Variants in MCPH1 observed in about 807,000 individuals in gnomAD.
MCPH1 encodes microcephalin 1.
MCPH1 carries 104 observed loss-of-function variants against 84.5 expected under a neutral mutation model. The ratio of observed to expected loss-of-function variants is 1.23; its 90% CI spans 1.05 to 1.45. The LOEUF (loss-of-function observed/expected upper bound fraction) is 1.45, where lower values mean the gene tolerates loss of function less well. Ranked by LOEUF, MCPH1 falls within the 40% of genes most tolerant of loss-of-function variation. The probability of loss-of-function intolerance (pLI) is 0.00; values close to 1 mark genes in which losing one functional copy is unlikely to be tolerated. For synonymous variants in MCPH1, 514 were observed against 366.8 expected, an observed-to-expected ratio of 1.40 and a Z score of -4.58; for missense variants, 1,498 against 1,005.7, an observed-to-expected ratio of 1.49 and a Z score of -6.62.
chr8:6,469,368 A>G (rs1807422616), intron 9 of MCPH1, among the ~76,000 whole-genome samples: 1 of 152,202 alleles, frequency 6.6e-6, no homozygotes, highest in African/African-American at 2.4e-5. Context: ...CCACAGACTG[A>G]GTCTTTCTGA....
intron 11 of MCPH1, 23 bp downstream of exon 11, chr8:6,480,899 G>T (rs199667940): frequency 1.2e-6 from 2 of 1,612,368 alleles, no homozygotes; most frequent in East Asian, 2.2e-5. Context: ...TGTGAACTGC[G>T]TATTTTAAAA....
In MCPH1 at chr8:6,409,148, A is replaced by G. The variant is rs1486527967; in HGVS notation, c.23-131A>G. On this transcript the variant is annotated intron_variant, in intron 1 of 13. Transcript: ENST00000344683. ...GGATCCACCCACTTCCGCCTCCCAC[A>G]GTGCTGGGATTACAGGCGTGAGCCA... 9 of 765,748 alleles carry G rather than the reference A, an allele frequency of 1.2e-5. No individual in the cohort carries two copies. In the East Asian group the frequency reaches 1.9e-4, roughly 16 times the overall value. 47.4% of individuals were successfully genotyped at this position (765,748 alleles called of 1,614,324 possible). A position where few individuals can be genotyped will look rare whatever the true frequency, so the allele number is the denominator to read the frequency against.
intron 9 of MCPH1, among the ~76,000 whole-genome samples, chr8:6,464,851 T>G (rs2129557802): frequency 6.6e-6 from 1 of 152,218 alleles, no homozygotes; most frequent in African/African-American, 2.4e-5. Flanking sequence ...TACAAAAAAT[T>G]ACCTGGGTGT....
At chr8:6,493,265 C>T (rs866875908) in intron 11 of MCPH1, among the ~76,000 whole-genome samples, 7 of 152,068 alleles carry the variant, frequency 4.6e-5, no homozygotes, top group Non-Finnish European at 8.8e-5. Context: ...GCCTTAACAT[C>T]GAGAATCACC....
intron 12 of MCPH1, among the ~76,000 whole-genome samples, chr8:6,573,388 C>A (rs1471314017): frequency 6.6e-6 from 1 of 152,008 alleles, no homozygotes; most frequent in Admixed American, 6.6e-5. Context: ...ATCAATAGGC[C>A]TTCTAGATGG....
intron 12 of MCPH1, among the ~76,000 whole-genome samples, chr8:6,583,380 A>G (rs1482620468): frequency 3.3e-5 from 5 of 152,222 alleles, no homozygotes; most frequent in Admixed American, 2.0e-4. Context: ...AAACACACAC[A>G]AATATTTACT....
intron 13 of MCPH1, among the ~76,000 whole-genome samples, chr8:6,623,847 A>G (rs2129581153): frequency 1.3e-5 from 2 of 152,244 alleles, no homozygotes; most frequent in South Asian, 4.1e-4. Context: ...GGAGAAGTGT[A>G]TTATCAAAAT....
rs180825999 is a variant in MCPH1 at position 6,444,408 on chromosome 8, G to C, written c.686G>C (p.Gly229Ala). Residue 229 changes from glycine (G) to alanine (A), a missense_variant, in exon 8 of 14, where the codon GGT becomes GCT. Physicochemically the swap from Gly to Ala is moderately conservative, Grantham distance 60. Transcript: ENST00000344683. ...TGTTTTCCAGATGAATACTTTGCTG[G>C]TGGCTTACACTCATCTTTTGATGAT... The part of the protein sequence containing the change: ...DTLCSDEYFA[G>A]GLHSSFDDLC... 6.2e-7 allele frequency: 1 copy of C among 1,614,120 alleles called. No homozygotes were observed. Among genetic ancestry groups the C allele is most frequent in the East Asian group, 2.2e-5 (1 of 44,866 alleles).
At chr8:6,608,249 C>T (rs1829955429) in intron 12 of MCPH1, among the ~76,000 whole-genome samples, 2 of 152,210 alleles carry the variant, frequency 1.3e-5, no homozygotes, top group South Asian at 4.1e-4. Context: ...TGCTTACCGG[C>T]TGGTGGCAGG....
chr8:6,457,128 C>A (rs2129557015), intron 9 of MCPH1, among the ~76,000 whole-genome samples: 1 of 152,248 alleles, frequency 6.6e-6, no homozygotes, highest in East Asian at 1.9e-4. Flanking sequence ...TGCTCAGGAA[C>A]AAAAATATTT....
intron 11 of MCPH1, among the ~76,000 whole-genome samples, chr8:6,485,954 C>T (rs764991716): frequency 2.0e-5 from 3 of 152,114 alleles, no homozygotes; most frequent in Non-Finnish European, 4.4e-5. Context: ...AGAAACAAGC[C>T]GAGTCACTTT....
chr8:6,511,732 G>A (rs1389408154), intron 12 of MCPH1, among the ~76,000 whole-genome samples: 4 of 152,126 alleles, frequency 2.6e-5, no homozygotes, highest in African/African-American at 4.8e-5. Context: ...ACCAATGTGT[G>A]TGTTTTTCTA....
intron 12 of MCPH1, chr8:6,519,741 T>C (rs1369079458): frequency 8.2e-7 from 1 of 1,217,384 alleles, no homozygotes; most frequent in East Asian, 2.5e-5. Flanking sequence ...CCAGTAACTA[T>C]GGCTTTGTAC....
At chr8:6,605,658 A>C (rs1586772525) in intron 12 of MCPH1, among the ~76,000 whole-genome samples, 1 of 152,112 alleles carries the variant, frequency 6.6e-6, no homozygotes, top group Non-Finnish European at 1.5e-5. Context: ...CAAGAGATCA[A>C]GTTTTGTTTT....
At chr8:6,514,527 A>T in intron 12 of MCPH1, 1 of 680,390 alleles carries the variant, frequency 1.5e-6, no homozygotes, top group Non-Finnish European at 2.5e-6. Context: ...TATATTGGCC[A>T]TTCTTTAAAG....
At chr8:6,597,003 A>G (rs1828980289) in intron 12 of MCPH1, among the ~76,000 whole-genome samples, 1 of 152,172 alleles carries the variant, frequency 6.6e-6, no homozygotes, top group Admixed American at 6.5e-5. Context: ...CATCCCGTAG[A>G]CCACATTTAG....
At chr8:6,472,795 C>T (rs1212346166) in intron 9 of MCPH1, among the ~76,000 whole-genome samples, 2 of 152,104 alleles carry the variant, frequency 1.3e-5, no homozygotes, top group Non-Finnish European at 2.9e-5. Context: ...CAAAATATAT[C>T]ATTTAGGATT....
At chr8:6,444,237 G>A (rs1803926343) in intron 7 of MCPH1, 156 bp from the exon 8 acceptor site, 7 of 358,226 alleles carry the variant, frequency 2.0e-5, no homozygotes, top group Non-Finnish European at 2.7e-5. Flanking sequence ...GGCCTAAAAT[G>A]TACCCTTAAG....
At chr8:6,537,503 G>A (rs118140970) in intron 12 of MCPH1, among the ~76,000 whole-genome samples, 4,650 of 151,702 alleles carry the variant, frequency 0.031, 112 homozygotes, top group Non-Finnish European at 0.047. Context: ...ACTTGGCAGC[G>A]CATCGAAACT....
Sources: gnomAD v4.1 joint callset for allele counts (sites outside exome capture counted in the v4.1 genomes callset) on GRCh38, gnomAD v4.1.1 for gene constraint, MANE v1.5 for transcripts, NCBI Gene and HGNC (gene_info 2026-07-23, HGNC 2026-07-21) for gene names.